The following MUC5B variants were observed in gnomAD, a reference collection of about 807,000 sequenced individuals.
The protein encoded by MUC5B is mucin-5B.
In MUC5B, 116 loss-of-function variants were observed where a neutral mutation model predicts 376.9. The observed-to-expected ratio is 0.31, with a 90% CI of 0.26 to 0.36. The LOEUF (loss-of-function observed/expected upper bound fraction) is 0.36, where lower values mean the gene tolerates loss of function less well. MUC5B is among the 10% of genes least tolerant of loss of function. MUC5B has a pLI of 1.00. For synonymous variants in MUC5B, 3,517 were observed against 3,390.9 expected (o/e 1.04, Z -1.29); for missense variants, 7,165 against 7,769.9 (o/e 0.92, Z 2.93).
In MUC5B at chr11:1,242,109, G is replaced by A. The variant is rs926852227; in HGVS notation, c.5229G>A (p.Thr1743=). The change falls in exon 31 of 49, where the codon ACG becomes ACA. Residue 1743 remains threonine, a synonymous_variant. Coordinates refer to ENST00000529681, the MANE Select transcript of MUC5B (RefSeq NM_002458.3). ...CCGCTTCCAAAGAGCCGCTGACCAC[G>A]AGCCTGGCGCCAACACTCACGAGCG... ...ASTASKEPLT[T]SLAPTLTSEL... 4 of 1,613,208 alleles carry A rather than the reference G, an allele frequency of 2.5e-6. No homozygotes were observed. Among genetic ancestry groups the A allele is most frequent in the Non-Finnish European group, 3.4e-6 (4 of 1,179,756 alleles).
chr11:1,236,406 A>G lies in MUC5B; in HGVS notation c.2901A>G (p.Gln967=), dbSNP rs754230796. 1 of 1,611,684 alleles carries G rather than the reference A, an allele frequency of 6.2e-7. No individual in the cohort carries two copies. Among genetic ancestry groups the G allele is most frequent in the Non-Finnish European group, 8.5e-7 (1 of 1,179,258 alleles). ...LFVESYELIL[Q]EGTFKAVARG... ...TGCAGAGCTACGAGCTGATCCTCCA[A>G]GAGGGGACCTTTAAGGCGGTGGCGA... Residue 967 remains glutamine, a synonymous_variant, in exon 24 of 49, where the codon CAA becomes CAG. Transcript: ENST00000529681.
Position 1,239,876 on chromosome 11 carries a change from TACG to T in MUC5B, c.3664_3666del (p.Asp1222del), listed in dbSNP as rs759743205. On this transcript the variant is annotated inframe_deletion, in exon 28 of 49. Transcript: ENST00000529681. ...GAAGTGCGTGGCCCAGTGTGGCTGC[TACG>T]ACAAGGACGGAAACTACTATGACGT... The T allele has an allele frequency of 6.2e-7, 1 of 1,613,184 alleles. No individual in the cohort carries two copies.
At chr11:1,261,259 G>A in intron 48 of MUC5B, 130 bp from the exon 49 acceptor site, 1 of 777,892 alleles carries the variant, frequency 1.3e-6, no homozygotes, top group Non-Finnish European at 2.1e-6. Context: ...CGTGCCCACA[G>A]AGCAGGCCAC....
At chr11:1,233,904 G>T in intron 19 of MUC5B, 56 bp downstream of exon 19, 1 of 1,521,892 alleles carries the variant, frequency 6.6e-7, no homozygotes. Flanking sequence ...ACCCCGCCTG[G>T]CCTGGCCCCA....
intron 3 of MUC5B, 60 bp from the exon 4 acceptor site, chr11:1,226,555 G>C: frequency 6.4e-7 from 1 of 1,552,952 alleles, no homozygotes; most frequent in South Asian, 1.2e-5. Flanking sequence ...CCTCGGCCCA[G>C]GGGAGGCTAC....
At position 1,233,703 on chromosome 11, in the gene MUC5B, G is replaced by A. The variant is rs1003019793; in HGVS notation, c.2322-90G>A. 6.2e-6 allele frequency: 8 copies of A among 1,300,286 alleles called. No individual in the cohort carries two copies. In the African/African-American group the frequency reaches 1.2e-4, roughly 19 times the overall value. 80.5% of individuals were successfully genotyped at this position (1,300,286 alleles called of 1,614,324 possible). On this transcript the variant is annotated intron_variant, in intron 18 of 48. Transcript: ENST00000529681. Reference sequence around the variant, plus strand: ...ACAAGGAGGTGGCCAGGCTGGGGAGGCCCAGCGTTCGGCGGGGGCTCGGAA... The same window carrying A: ...ACAAGGAGGTGGCCAGGCTGGGGAGACCCAGCGTTCGGCGGGGGCTCGGAA...
rs766101158 is a variant in MUC5B, at chr11:1,242,865, A to C, written c.5985A>C (p.Leu1995=). The change falls in exon 31 of 49, where the codon CTA becomes CTC. Residue 1995 remains leucine, a synonymous_variant. Transcript: ENST00000529681. ...CCCTGGGCACCACCTGGACCCGCCT[A>C]TCACAGACCACCACACCCACGGCCA... ...SSSLGTTWTR[L]SQTTTPTATM... 8.7e-6 allele frequency: 14 copies of C among 1,611,932 alleles called. No individual in the cohort carries two copies. The African/African-American group carries it at 9.5e-5, about 11-fold the overall frequency.
Position 1,254,010 on chromosome 11 carries a change from G to A in MUC5B, c.15218-82G>A, listed in dbSNP as rs1419271239. ...GTGGCTCCCCAAGGCGGCAGTCACA[G>A]TGGTGACGCTGGCTGCCATGACGCC... On this transcript the variant is annotated intron_variant, in intron 33 of 48. Transcript: ENST00000529681. 7 of 1,526,924 alleles carry A rather than the reference G, an allele frequency of 4.6e-6. No individual in the cohort carries two copies. In the Admixed American group the frequency reaches 1.2e-4, roughly 25 times the overall value. 94.6% of individuals were successfully genotyped at this position (1,526,924 alleles called of 1,614,324 possible). A position where few individuals can be genotyped will look rare whatever the true frequency, so the allele number is the denominator to read the frequency against.
In MUC5B at chr11:1,234,369, C is replaced by T; in HGVS notation, c.2478+64C>T. 1.3e-6 allele frequency: 2 copies of T among 1,516,994 alleles called. No individual in the cohort carries two copies. The highest frequency in any genetic ancestry group is 1.7e-4 in the Middle Eastern group (1 of 5,864). 94.0% of individuals were successfully genotyped at this position (1,516,994 alleles called of 1,614,324 possible). A position where few individuals can be genotyped will look rare whatever the true frequency, so the allele number is the denominator to read the frequency against. Reference sequence around the variant, plus strand: ...GGTCCCAGCTTTCCCAGCTCCCGAGCCCAGGGATCTGGTGGTCCTGGAGAC... The same window carrying T: ...GGTCCCAGCTTTCCCAGCTCCCGAGTCCAGGGATCTGGTGGTCCTGGAGAC... On this transcript the variant is annotated intron_variant, in intron 20 of 48. Coordinates refer to ENST00000529681, the MANE Select transcript of MUC5B (RefSeq NM_002458.3). The surrounding 1 kb of genome is among the most constrained non-coding windows in gnomAD (Gnocchi z 6.3).
rs763449664 is a variant in MUC5B, at chr11:1,249,570, C to T, written c.12690C>T (p.Ser4230=). Residue 4230 remains serine, a synonymous_variant, in exon 31 of 49, where the codon AGC becomes AGT. Coordinates refer to ENST00000529681, the MANE Select transcript of MUC5B (RefSeq NM_002458.3). The part of the protein sequence containing the change: ...VFCCNYGHCP[S]TPATSSTAMP... ...GCTGCAACTACGGCCACTGCCCCAG[C>T]ACCCCGGCCACCAGCTCTACGGCCA... 2.3e-5 allele frequency: 37 copies of T among 1,612,626 alleles called. No individual in the cohort carries two copies. Among genetic ancestry groups the T allele is most frequent in the Non-Finnish European group, 3.1e-5 (36 of 1,179,458 alleles).
In MUC5B at chr11:1,251,191, C is replaced by G. The variant is rs370138604; in HGVS notation, c.14311C>G (p.Pro4771Ala). 17 of 1,611,212 alleles carry G rather than the reference C, an allele frequency of 1.1e-5. No homozygotes were observed. Among genetic ancestry groups the G allele is most frequent in the African/African-American group, 4.0e-5 (3 of 74,708 alleles). Residue 4771 changes from proline to alanine, a missense_variant, in exon 31 of 49, where the codon CCC (proline) becomes GCC (alanine). By Grantham distance (27) the Pro-to-Ala change is conservative. Transcript: ENST00000529681. ...TWTVPAQTTT[P>A]MSTMSTIHTS... ...GACCGTCCCAGCACAGACCACCACACCCATGTCCACCATGTCCACAATCCA... is the reference window on the plus strand; with the variant it reads ...GACCGTCCCAGCACAGACCACCACAGCCATGTCCACCATGTCCACAATCCA...
chr11:1,251,828 T>C (rs1862709153), intron 31 of MUC5B, 85 bp downstream of exon 31: 1 of 980,018 alleles, frequency 1.0e-6, no homozygotes, highest in East Asian at 2.5e-5. Context: ...GCCAGTGGCT[T>C]TCTCCCTGCT....
rs202117533 is a variant in MUC5B at position 1,250,277 on chromosome 11, C to T, written c.13397C>T (p.Thr4466Met). ...ACCGTGACGGTGCCCACCGGATCCA[C>T]GGCCACCGCCTCCTCCACCCAGGCA... ...TATVTVPTGS[T>M]ATASSTQATA... is the part of the protein sequence containing the mutation. Residue 4466 changes from threonine to methionine, a missense_variant, in exon 31 of 49, where the codon ACG becomes ATG. This residue lies in a region of MUC5B where 431 missense variants were observed against 390.4 expected (regional missense o/e 1.10). Transcript: ENST00000529681. The T allele has an allele frequency of 3.4e-4, 550 of 1,612,848 alleles. No homozygotes were observed. The African/African-American group carries it at 5.7e-3, about 17-fold the overall frequency.
At chr11:1,240,009 C>A (rs1862242268) in intron 28 of MUC5B, 36 bp from the exon 29 acceptor site, 1 of 1,596,388 alleles carries the variant, frequency 6.3e-7, no homozygotes, top group East Asian at 2.2e-5. Flanking sequence ...GCAGGCTGCC[C>A]CCCAGGCCCT....
At chr11:1,230,646 C>A (rs745948936) in intron 12 of MUC5B, 46 bp downstream of exon 12, 3 of 1,527,332 alleles carry the variant, frequency 2.0e-6, no homozygotes, top group South Asian at 1.2e-5. Context: ...AAGAGGCATG[C>A]GAAGGTGTGT....
intron 26 of MUC5B, 178 bp downstream of exon 26, chr11:1,239,205 AC>A: frequency 1.1e-6 from 1 of 934,004 alleles, no homozygotes; most frequent in Non-Finnish European, 1.6e-6. Flanking sequence ...GTGCAAAACC[AC>A]CAGACAGGTT....
In MUC5B at chr11:1,257,539, C is replaced by T. The variant is rs371197840; in HGVS notation, c.16279C>T (p.Arg5427Trp). 37 of 1,608,148 alleles carry T rather than the reference C, an allele frequency of 2.3e-5. No homozygotes were observed. The highest frequency in any genetic ancestry group is 2.3e-4 in the African/African-American group (17 of 75,024). The change falls in exon 41 of 49, where the codon CGG becomes TGG. Residue 5427 changes from arginine (R) to tryptophan (W), a missense_variant. Arg to Trp is a moderately radical substitution (Grantham distance 101). Transcript: ENST00000529681. The surrounding 1 kb of genome is among the most constrained non-coding windows in gnomAD (Gnocchi z 8.9). ...PDGFPKFPGE[R>W]WVSNCQSCVC... The stretch of plus-strand genomic sequence containing the variant: ...CCTTGATCCATTCCAGCCCGGGGAG[C>T]GGTGGGTCAGCAACTGCCAGTCCTG...
At chr11:1,231,874 G>A in intron 14 of MUC5B, 122 bp from the exon 15 acceptor site, 1 of 1,353,084 alleles carries the variant, frequency 7.4e-7, no homozygotes, top group Non-Finnish European at 1.0e-6. Context: ...GGTTCTGGGA[G>A]CAGAATCCTG....
At position 1,229,433 on chromosome 11, in the gene MUC5B, C is replaced by T. The variant is rs543278152; in HGVS notation, c.1102+138C>T. 6.2e-6 allele frequency: 7 copies of T among 1,123,524 alleles called. No individual in the cohort carries two copies. In the African/African-American group the frequency reaches 1.1e-4, roughly 17 times the overall value. The allele number at this position is 1,123,524 out of a possible 1,614,324, so 69.6% of individuals were successfully genotyped here. Reference sequence around the variant, plus strand: ...CAGAGGGCCCAGGGTGGGAAGGGCACTGGCTGGGAGGGTGCCGGAAGACCT... The same window carrying T: ...CAGAGGGCCCAGGGTGGGAAGGGCATTGGCTGGGAGGGTGCCGGAAGACCT... On this transcript the variant is annotated intron_variant, in intron 9 of 48. Coordinates refer to ENST00000529681, the MANE Select transcript of MUC5B (RefSeq NM_002458.3).
Sources: gnomAD v4.1 joint callset for allele counts on GRCh38, gnomAD v4.1.1 for gene constraint, gnomAD v4.1.1 regional missense constraint, Gnocchi (gnomAD v3.1) non-coding constraint, MANE v1.5 for transcripts, NCBI Gene and HGNC (gene_info 2026-07-23, HGNC 2026-07-21) for gene names.